Variants in XPO5 observed in about 807,000 individuals in gnomAD.
XPO5 encodes exportin 5, also known as exportin-5.
XPO5 carries 46 observed loss-of-function variants against 160.6 expected under a neutral mutation model. The observed-to-expected ratio is 0.29, with a 90% CI of 0.23 to 0.37. XPO5 has a LOEUF of 0.37. XPO5 is among the 10% of genes least tolerant of loss of function. The pLI is 1.00. For missense variants in XPO5, 1,090 were observed against 1,463.9 expected, an observed-to-expected ratio of 0.74 and a Z score of 4.17; for synonymous variants, 537 against 519.3, an observed-to-expected ratio of 1.03 and a Z score of -0.46.
intron 20 of XPO5, chr6:43,539,608 G>T: frequency 7.2e-7 from 1 of 1,381,656 alleles, no homozygotes. Context: ...GGCCCCGGAT[G>T]CCACTGGCGA....
intron 8 of XPO5, among the ~76,000 whole-genome samples, chr6:43,563,945 T>G (rs1048106934): frequency 2.0e-5 from 3 of 152,118 alleles, no homozygotes; most frequent in Non-Finnish European, 4.4e-5. Context: ...TATTTAGAGA[T>G]GGAGTCTCAC....
intron 9 of XPO5, chr6:43,561,968 G>C (rs571771343): frequency 3.7e-6 from 1 of 271,946 alleles, no homozygotes; most frequent in African/African-American, 2.2e-5. Context: ...TTGAGGTTCT[G>C]TAAGTACCAA....
Position 43,561,116 on chromosome 6 carries a change from C to CA in XPO5, c.1012-110dup. Reference sequence around the variant, plus strand: ...ATTAAACCCTCAAAAAATGTTGTTTCAAAAGGACTTTGTATTTCCTTTTGG... The same window carrying CA: ...ATTAAACCCTCAAAAAATGTTGTTTCAAAAAGGACTTTGTATTTCCTTTTGG... On this transcript the variant is annotated intron_variant, in intron 9 of 31. Transcript: ENST00000265351. 5 of 923,628 alleles carry CA rather than the reference C, an allele frequency of 5.4e-6. No homozygotes were observed. The South Asian group carries it at 7.4e-5, about 14-fold the overall frequency. 57.2% of individuals were successfully genotyped at this position (923,628 alleles called of 1,614,324 possible).
chr6:43,555,941 C>T lies in XPO5; in HGVS notation c.1336G>A (p.Val446Met). 1 of 1,613,926 alleles carries T rather than the reference C, an allele frequency of 6.2e-7. No individual in the cohort carries two copies. The highest frequency in any genetic ancestry group is 8.5e-7 in the Non-Finnish European group (1 of 1,179,868). Residue 446 changes from valine (V) to methionine (M), a missense_variant, in exon 13 of 32, where the codon GTG (valine) becomes ATG (methionine). Val to Met is a conservative substitution (Grantham distance 21). This residue lies in a region of XPO5 where 810 missense variants were observed against 1,139.0 expected (regional missense o/e 0.71). Transcript: ENST00000265351. ...FNSSRAQQGEVMRLACRLDPK... is the reference protein window; with the variant it reads ...FNSSRAQQGEMMRLACRLDPK... The stretch of plus-strand genomic sequence containing the variant: ...TCCAAACGACATGCCAACCTCATCA[C>T]CTCTCCTTGTTGTGCTCGGGAGGCT...
At chr6:43,568,288 G>C (rs555149644) in intron 6 of XPO5, among the ~76,000 whole-genome samples, 1 of 151,388 alleles carries the variant, frequency 6.6e-6, no homozygotes, top group South Asian at 2.1e-4. Flanking sequence ...GCCTGGGCAA[G>C]TGAGCGAGAC....
At chr6:43,525,584 G>C in intron 28 of XPO5, 1 of 533,048 alleles carries the variant, frequency 1.9e-6, no homozygotes, top group Non-Finnish European at 3.3e-6. Flanking sequence ...GCCTGGCTTG[G>C]GGAGGCTAAA....
intron 20 of XPO5, among the ~76,000 whole-genome samples, chr6:43,540,676 G>A (rs1014362059): frequency 1.3e-5 from 2 of 151,962 alleles, no homozygotes; most frequent in South Asian, 2.1e-4. Context: ...TTAAAAAATC[G>A]ATATGGGGTC....
At position 43,552,964 on chromosome 6, in the gene XPO5, CTCTAAA is replaced by C. The variant is rs138947359; in HGVS notation, c.1572+403_1572+408del. Among the ~76,000 whole-genome samples the C allele has an allele frequency of 6.5e-3, 988 of 152,286 alleles. 10 individuals carry two copies. Among genetic ancestry groups the C allele is most frequent in the African/African-American group, 0.022 (906 of 41,562 alleles). On this transcript the variant is annotated intron_variant, in intron 14 of 31. Coordinates refer to ENST00000265351, the MANE Select transcript of XPO5 (RefSeq NM_020750.3). ...TGAACTTGAGTATGCTATTTAGCCT[CTCTAAA>C]TCTGTTTCCTCTTCTGTAAGATGTA...
At chr6:43,525,650 A>T in intron 28 of XPO5, 189 bp downstream of exon 28, 1 of 607,418 alleles carries the variant, frequency 1.6e-6, no homozygotes, top group Non-Finnish European at 2.8e-6. Context: ...GCTCCTGCCT[A>T]TGCTGGTATG....
At chr6:43,553,625 T>TGAA in intron 13 of XPO5, 122 bp from the exon 14 acceptor site, 1 of 1,439,854 alleles carries the variant, frequency 6.9e-7, no homozygotes, top group East Asian at 2.5e-5. Flanking sequence ...ATTTCATGAT[T>TGAA]GAAGGAGCAG....
rs1491079774 is a variant in XPO5, at chr6:43,569,307, AAC to A, written c.622-572_622-571del. The stretch of plus-strand genomic sequence containing the variant: ...AACTCCGTCTCAAAAAAAAAAAAAC[AAC>A]AAAAAAAAATACATATATATATGAT... On this transcript the variant is annotated intron_variant, in intron 5 of 31. Coordinates refer to ENST00000265351, the MANE Select transcript of XPO5 (RefSeq NM_020750.3). Among the ~76,000 whole-genome samples the A allele has an allele frequency of 4.4e-4, 57 of 128,802 alleles. 1 individual carries two copies. The highest frequency in any genetic ancestry group is 1.4e-3 in the African/African-American group (48 of 33,252). 84.5% of individuals were successfully genotyped at this position (128,802 alleles called of 152,430 possible).
intron 3 of XPO5, among the ~76,000 whole-genome samples, chr6:43,571,348 G>A (rs1405051567): frequency 1.3e-5 from 2 of 152,164 alleles, no homozygotes; most frequent in East Asian, 1.9e-4. Flanking sequence ...TGGTAAAATG[G>A]AAGGGTATGA....
At chr6:43,540,151 AG>A (rs1188421803) in intron 20 of XPO5, among the ~76,000 whole-genome samples, 1 of 152,138 alleles carries the variant, frequency 6.6e-6, no homozygotes, top group African/African-American at 2.4e-5. Flanking sequence ...GTACTTTGAG[AG>A]GCCAAGGAGG....
Position 43,571,032 on chromosome 6 carries a change from C to T in XPO5, c.301-38G>A, listed in dbSNP as rs200029734. ...AAGAGATATTAAGAGATATGCAAGA[C>T]TGGATTCCAGACTTCCAGAAAAAAG... On this transcript the variant is annotated intron_variant, in intron 3 of 31. Transcript: ENST00000265351. The T allele has an allele frequency of 7.5e-5, 118 of 1,580,896 alleles. No individual in the cohort carries two copies. In the East Asian group the frequency reaches 2.5e-3, roughly 33 times the overall value.
chr6:43,559,449 A>C (rs1374402262), intron 11 of XPO5, among the ~76,000 whole-genome samples: 1 of 152,208 alleles, frequency 6.6e-6, no homozygotes, highest in Non-Finnish European at 1.5e-5. Flanking sequence ...ATTCATGAGC[A>C]ACTCTCTACT....
intron 13 of XPO5, chr6:43,553,757 C>G: frequency 1.8e-6 from 1 of 540,860 alleles, no homozygotes; most frequent in Middle Eastern, 6.2e-4. Flanking sequence ...GAATTCACCT[C>G]TATGAGCCTT....
At chr6:43,542,064 T>C (rs190897069) in intron 20 of XPO5, among the ~76,000 whole-genome samples, 16 of 152,342 alleles carry the variant, frequency 1.1e-4, no homozygotes, top group Non-Finnish European at 1.9e-4. Flanking sequence ...ATTACATGCA[T>C]GAGCCACCGC....
chr6:43,532,145 GGT>G (rs1159937507), intron 21 of XPO5, among the ~76,000 whole-genome samples: 3 of 152,074 alleles, frequency 2.0e-5, no homozygotes, highest in African/African-American at 7.2e-5. Flanking sequence ...ATGGCATGGG[GGT>G]GTGTGGTAAG....
At chr6:43,535,550 C>T (rs916142528) in intron 20 of XPO5, among the ~76,000 whole-genome samples, 7 of 151,402 alleles carry the variant, frequency 4.6e-5, no homozygotes, top group African/African-American at 1.7e-4. Flanking sequence ...TCTGTTTGTT[C>T]TTGCTTAAGA....
Sources: gnomAD v4.1 joint callset for allele counts (sites outside exome capture counted in the v4.1 genomes callset) on GRCh38, gnomAD v4.1.1 for gene constraint, gnomAD v4.1.1 regional missense constraint, MANE v1.5 for transcripts, NCBI Gene and HGNC (gene_info 2026-07-23, HGNC 2026-07-21) for gene names.